Variants in SLC23A1 observed in about 807,000 individuals in gnomAD.
SLC23A1 encodes the protein solute carrier family 23 member 1.
A neutral mutation model predicts 62.5 loss-of-function variants in SLC23A1; 31 were observed. That is an observed-to-expected ratio of 0.50 (90% CI 0.37 to 0.67). The LOEUF (loss-of-function observed/expected upper bound fraction) is 0.67, where lower values mean the gene tolerates loss of function less well. Among genes scored for constraint, SLC23A1 ranks in the 30% least tolerant of loss-of-function variants. The probability of loss-of-function intolerance (pLI) is 0.00; values close to 1 mark genes in which losing one functional copy is unlikely to be tolerated. For missense variants in SLC23A1, 640 were observed against 782.7 expected (o/e 0.82, Z 2.18); for synonymous variants, 271 against 313.2 (o/e 0.87, Z 1.42).
chr5:139,373,206 C>A (rs1311715172), intron 13 of SLC23A1, among the ~76,000 whole-genome samples: 1 of 151,772 alleles, frequency 6.6e-6, no homozygotes, highest in African/African-American at 2.4e-5. Context: ...GAGACAGAGT[C>A]TTGCTCTGTT....
rs1758080770 is a variant in SLC23A1, at chr5:139,378,766, C to G, written c.1074-82G>C. On this transcript the variant is annotated intron_variant, in intron 9 of 14. Coordinates refer to ENST00000348729, the MANE Select transcript of SLC23A1 (RefSeq NM_005847.5). This position sits in a 1 kb window ranked among gnomAD's most constrained non-coding sequence, Gnocchi z 4.5. ...CCCATCATCTTAGCAAGCTGCCGTCCTCTGGGGCTGTGGGGGCTGCAGCTA... is the reference window on the plus strand; with the variant it reads ...CCCATCATCTTAGCAAGCTGCCGTCGTCTGGGGCTGTGGGGGCTGCAGCTA... The G allele has an allele frequency of 6.5e-6, 7 of 1,071,244 alleles. No homozygotes were observed. Among genetic ancestry groups the G allele is most frequent in the Non-Finnish European group, 9.8e-6 (7 of 711,048 alleles). The allele number at this position is 1,071,244 out of a possible 1,614,324, so 66.4% of individuals were successfully genotyped here.
Position 139,380,084 on chromosome 5 carries a change from C to A in SLC23A1, c.648-8G>T. On this transcript the variant is annotated splice_region_variant and splice_polypyrimidine_tract_variant and intron_variant, in intron 6 of 14. Transcript: ENST00000348729. ...ATGATCAGGAGAATGGAGCTGGGGGCAGAGGCACAATCAGGAAGTGGATGG... is the reference window on the plus strand; with the variant it reads ...ATGATCAGGAGAATGGAGCTGGGGGAAGAGGCACAATCAGGAAGTGGATGG... 1.2e-6 allele frequency: 2 copies of A among 1,604,338 alleles called. No individual in the cohort carries two copies. The highest frequency in any genetic ancestry group is 2.2e-5 in the East Asian group (1 of 44,556).
chr5:139,372,315 A>G (rs1464545824), intron 13 of SLC23A1, 62 bp from the exon 14 acceptor site: 3 of 1,516,142 alleles, frequency 2.0e-6, no homozygotes, highest in East Asian at 2.3e-5. Context: ...CCCACTTCCC[A>G]TAACCCAGTC....
At chr5:139,383,996 C>T (rs59672171), upstream of SLC23A1, among the ~76,000 whole-genome samples, 21 of 152,332 alleles carry the variant, frequency 1.4e-4, no homozygotes, top group East Asian at 3.9e-3. Flanking sequence ...GGCACAGATC[C>T]CTTTCCCCTC....
At chr5:139,370,651 C>T (rs113784109) in intron 14 of SLC23A1, among the ~76,000 whole-genome samples, 3,729 of 151,984 alleles carry the variant, frequency 0.025, 172 homozygotes, top group African/African-American at 0.083. Context: ...ACCACCACGC[C>T]TGGCTAATTT....
At position 139,379,995 on chromosome 5, in the gene SLC23A1, G is replaced by T; in HGVS notation, c.729C>A (p.Gly243=). 1 of 1,614,148 alleles carries T rather than the reference G, an allele frequency of 6.2e-7. No individual in the cohort carries two copies. Among genetic ancestry groups the T allele is most frequent in the African/African-American group, 1.3e-5 (1 of 75,030 alleles). The change falls in exon 7 of 15, where the codon GGC becomes GGA. Residue 243 remains glycine (G), a synonymous_variant. Transcript: ENST00000348729. The surrounding 1 kb of genome is among the most constrained non-coding windows in gnomAD (Gnocchi z 4.7). ...FLLPVYRWGK[G]LTLLRIQIFK... ...AGATCTGGATGCGGAGGAGAGTGAGGCCCTTGCCCCAGCGGTAGACAGGCA... is the reference window on the plus strand; with the variant it reads ...AGATCTGGATGCGGAGGAGAGTGAGTCCCTTGCCCCAGCGGTAGACAGGCA...
chr5:139,380,032 A>C lies in SLC23A1; in HGVS notation c.692T>G (p.Leu231Arg). 1 of 1,613,770 alleles carries C rather than the reference A, an allele frequency of 6.2e-7. No homozygotes were observed. The highest frequency in any genetic ancestry group is 8.5e-7 in the Non-Finnish European group (1 of 1,179,916). Residue 231 changes from leucine (L) to arginine (R), a missense_variant, in exon 7 of 15, where the codon CTC (leucine) becomes CGC (arginine). By Grantham distance (102) the Leu-to-Arg change is moderately radical. Transcript: ENST00000348729. ...IILFSQYLRN[L>R]TFLLPVYRWG... ...GCGGTAGACAGGCAGCAGGAAGGTGAGGTTGCGCAGGTACTGGGAGAAGAG... is the reference window on the plus strand; with the variant it reads ...GCGGTAGACAGGCAGCAGGAAGGTGCGGTTGCGCAGGTACTGGGAGAAGAG...
At chr5:139,383,315 G>A (rs1277547498), upstream of SLC23A1, 5 of 1,595,300 alleles carry the variant, frequency 3.1e-6, no homozygotes, top group African/African-American at 1.3e-5. Flanking sequence ...CAAAGGCCAA[G>A]GAGGAGGACT....
intron 14 of SLC23A1, among the ~76,000 whole-genome samples, chr5:139,368,296 C>T (rs939388859): frequency 4.0e-5 from 6 of 151,858 alleles, no homozygotes; most frequent in African/African-American, 1.2e-4. Flanking sequence ...GCTGAGATCG[C>T]GCCACTGCAC....
intron 12 of SLC23A1, 113 bp downstream of exon 12, chr5:139,377,862 C>T (rs1758019830): frequency 9.4e-7 from 1 of 1,069,434 alleles, no homozygotes; most frequent in African/African-American, 1.6e-5. Context: ...TGGTTGACAC[C>T]CAGAGTTGGG....
At position 139,378,878 on chromosome 5, in the gene SLC23A1, T is replaced by C. The variant is rs1758086726; in HGVS notation, c.1074-194A>G. ...CCTGGCACTTACTCCTGTGGGTAAT[T>C]CTGGCCTTCAATTTCCTCCTGGGAT... On this transcript the variant is annotated intron_variant, in intron 9 of 14. Coordinates refer to ENST00000348729, the MANE Select transcript of SLC23A1 (RefSeq NM_005847.5). The surrounding 1 kb of genome is among the most constrained non-coding windows in gnomAD (Gnocchi z 4.5). Among the ~76,000 whole-genome samples the C allele has an allele frequency of 1.3e-5, 2 of 152,148 alleles. No individual in the cohort carries two copies. Among genetic ancestry groups the C allele is most frequent in the African/African-American group, 4.8e-5 (2 of 41,422 alleles).
In SLC23A1 at chr5:139,382,189, T is replaced by A. The variant is rs1758306255; in HGVS notation, c.151-140A>T. On this transcript the variant is annotated intron_variant, in intron 2 of 14. Transcript: ENST00000348729. Reference sequence around the variant, plus strand: ...AGGACTGGCAGTCCCCACAAGGGATTCCCAGAGAGCTACTGCTGACCACTC... The same window carrying A: ...AGGACTGGCAGTCCCCACAAGGGATACCCAGAGAGCTACTGCTGACCACTC... The A allele has an allele frequency of 1.9e-5, 15 of 795,638 alleles. No individual in the cohort carries two copies. The East Asian group carries it at 4.0e-4, about 21-fold the overall frequency. The allele number at this position is 795,638 out of a possible 1,614,324, so 49.3% of individuals were successfully genotyped here.
At chr5:139,380,524 C>T (rs773778577) in intron 5 of SLC23A1, 41 bp downstream of exon 5, 1 of 1,606,776 alleles carries the variant, frequency 6.2e-7, no homozygotes, top group East Asian at 2.2e-5. Flanking sequence ...TATAGCCCCT[C>T]CTCAGGACCC....
intron 13 of SLC23A1, 132 bp downstream of exon 13, chr5:139,377,270 A>G (rs1312853364): frequency 1.5e-6 from 1 of 655,784 alleles, no homozygotes; most frequent in Non-Finnish European, 2.8e-6. Flanking sequence ...CCACCAGCCC[A>G]TCTATTCCTG....
chr5:139,384,592 TCTC>T (rs1267357974), upstream of SLC23A1: 19 of 1,270,032 alleles, frequency 1.5e-5, no homozygotes, highest in Admixed American at 1.4e-4. Context: ...CTCTCCAACT[TCTC>T]CTCCCAGAAC....
chr5:139,384,478 C>T (rs1004227333), upstream of SLC23A1: 4 of 1,289,886 alleles, frequency 3.1e-6, no homozygotes, highest in Admixed American at 2.3e-5. Flanking sequence ...GGTGTCCACA[C>T]TGTTCCTCTG....
At position 139,379,126 on chromosome 5, in the gene SLC23A1, C is replaced by A; in HGVS notation, c.1073+81G>T. ...TTCCCGACTTGCCTAAGCCTACCCCCTGGGCCTCCACCCCGTTCCTGTGTG... is the reference window on the plus strand; with the variant it reads ...TTCCCGACTTGCCTAAGCCTACCCCATGGGCCTCCACCCCGTTCCTGTGTG... On this transcript the variant is annotated intron_variant, in intron 9 of 14. Coordinates refer to ENST00000348729, the MANE Select transcript of SLC23A1 (RefSeq NM_005847.5). This position sits in a 1 kb window ranked among gnomAD's most constrained non-coding sequence, Gnocchi z 4.7. 1 of 1,471,622 alleles carries A rather than the reference C, an allele frequency of 6.8e-7. No homozygotes were observed. Among genetic ancestry groups the A allele is most frequent in the Non-Finnish European group, 9.4e-7 (1 of 1,060,458 alleles). 91.2% of individuals were successfully genotyped at this position (1,471,622 alleles called of 1,614,324 possible).
At chr5:139,383,902 C>T (rs923467891), upstream of SLC23A1, among the ~76,000 whole-genome samples, 1 of 152,242 alleles carries the variant, frequency 6.6e-6, no homozygotes, top group Non-Finnish European at 1.5e-5. Context: ...CTGCACCCCT[C>T]AGGGTCCCTG....
intron 13 of SLC23A1, among the ~76,000 whole-genome samples, chr5:139,372,538 C>T (rs1218334637): frequency 1.3e-5 from 2 of 152,020 alleles, no homozygotes; most frequent in South Asian, 2.1e-4. Context: ...AAAACATACC[C>T]CTGGGAGATG....
Sources: gnomAD v4.1 joint callset for allele counts (sites outside exome capture counted in the v4.1 genomes callset) on GRCh38, gnomAD v4.1.1 for gene constraint, Gnocchi (gnomAD v3.1) non-coding constraint, MANE v1.5 for transcripts, NCBI Gene and HGNC (gene_info 2026-07-23, HGNC 2026-07-21) for gene names.